PHTF2: variants seen among roughly 807,000 people sequenced by gnomAD.
PHTF2 encodes the protein protein PHTF2.
In PHTF2, 60 loss-of-function variants were observed where a neutral mutation model predicts 101.2. The ratio of observed to expected loss-of-function variants is 0.59; its 90% CI spans 0.48 to 0.73. The LOEUF is 0.73. Among genes scored for constraint, PHTF2 ranks in the 30% least tolerant of loss-of-function variants. The pLI is 0.00. For synonymous variants in PHTF2, 311 were observed against 307.3 expected (o/e 1.01, Z -0.13); for missense variants, 747 against 908.7 (o/e 0.82, Z 2.29).
chr7:77,873,448 C>T (rs776229875), intron 3 of PHTF2, among the ~76,000 whole-genome samples: 7 of 152,164 alleles, frequency 4.6e-5, no homozygotes, highest in Non-Finnish European at 1.0e-4. Context: ...ATCAGTCACA[C>T]TATCAACCCC....
intron 19 of PHTF2, among the ~76,000 whole-genome samples, chr7:77,954,612 G>GTGTGTATATATATATATATATATA (rs1426693429): frequency 2.1e-4 from 19 of 90,186 alleles, no homozygotes; most frequent in African/African-American, 6.2e-4. Context: ...CAAGTACTGT[G>GTGTGTATATATATATATATATATA]TATATATATA....
intron 9 of PHTF2, among the ~76,000 whole-genome samples, chr7:77,912,441 AAACTAAGCACTTATC>A (rs1461477325): frequency 6.6e-6 from 1 of 152,172 alleles, no homozygotes; most frequent in Non-Finnish European, 1.5e-5. Flanking sequence ...GGAAGTGCTT[AAACTAAGCACTTATC>A]AACTAAGCAC....
At chr7:77,931,483 G>A (rs1253204131) in intron 12 of PHTF2, among the ~76,000 whole-genome samples, 1 of 152,236 alleles carries the variant, frequency 6.6e-6, no homozygotes, top group Non-Finnish European at 1.5e-5. Flanking sequence ...AAGATGGTCA[G>A]CCTTGCTATT....
At chr7:77,840,200 A>T (rs1795761879) in intron 1 of PHTF2, 21 bp from the exon 2 acceptor site, 1 of 1,265,832 alleles carries the variant, frequency 7.9e-7, no homozygotes, top group Non-Finnish European at 1.2e-6. Context: ...AGTCATTTGT[A>T]TGTTTTTCTC....
At chr7:77,850,360 CAAAAAAAAAA>C (rs71082789) in intron 2 of PHTF2, among the ~76,000 whole-genome samples, 1 of 44,376 alleles carries the variant, frequency 2.3e-5, no homozygotes, top group East Asian at 7.2e-4. Context: ...GACCTTGTCT[CAAAAAAAAAA>C]AAAAAAAAAA....
intron 1 of PHTF2, among the ~76,000 whole-genome samples, chr7:77,824,423 G>T (rs1388045207): frequency 6.6e-6 from 1 of 152,114 alleles, no homozygotes; most frequent in African/African-American, 2.4e-5. Context: ...AAGTGCAGCT[G>T]TTGTTAGTTT....
At chr7:77,849,110 T>G (rs1434977867) in intron 2 of PHTF2, among the ~76,000 whole-genome samples, 1 of 151,876 alleles carries the variant, frequency 6.6e-6, no homozygotes, top group Non-Finnish European at 1.5e-5. Flanking sequence ...AGTACCATGC[T>G]GGAGTTTTTT....
At chr7:77,887,327 A>G (rs1192800599) in intron 3 of PHTF2, among the ~76,000 whole-genome samples, 1 of 151,718 alleles carries the variant, frequency 6.6e-6, no homozygotes, top group East Asian at 1.9e-4. Context: ...CATCTGTTTG[A>G]TATTACTAAA....
At chr7:77,928,295 T>C (rs2150939284) in intron 11 of PHTF2, among the ~76,000 whole-genome samples, 1 of 152,356 alleles carries the variant, frequency 6.6e-6, no homozygotes, top group African/African-American at 2.4e-5. Context: ...ATCTTTATTT[T>C]GTACATTGCA....
intron 3 of PHTF2, 144 bp from the exon 3 acceptor site, chr7:77,893,464 T>C: frequency 2.2e-6 from 1 of 446,442 alleles, no homozygotes; most frequent in African/African-American, 2.0e-5. Flanking sequence ...ACTGCAATAA[T>C]ATGATACTGA....
At chr7:77,800,373 C>T (rs895429109) in intron 1 of PHTF2, among the ~76,000 whole-genome samples, 5 of 152,180 alleles carry the variant, frequency 3.3e-5, no homozygotes, top group African/African-American at 1.2e-4. Context: ...CCAGAAATAG[C>T]CTGCCTCCCA....
rs138430024 is a variant in PHTF2 at position 77,822,141 on chromosome 7, G to A, written c.-35-18080G>A. Among the ~76,000 whole-genome samples, 183 of 152,330 alleles carry A rather than the reference G, an allele frequency of 1.2e-3. 3 individuals are homozygous for A. The highest frequency in any genetic ancestry group is 6.8e-3 in the Middle Eastern group (2 of 294). On this transcript the variant is annotated intron_variant, in intron 1 of 19. Coordinates refer to ENST00000416283, the Ensembl canonical transcript of PHTF2. ...TGGCTCAAGGGCAGGTTTGCCTTAG[G>A]TGGGAGTGCCAGACTGTTCCTCTGA... is the stretch of plus-strand genomic sequence containing the variant.
intron 15 of PHTF2, among the ~76,000 whole-genome samples, chr7:77,941,101 CATT>C (rs1805604365): frequency 6.6e-6 from 1 of 152,086 alleles, no homozygotes. Flanking sequence ...AGTAGAATGT[CATT>C]ATATATGGAG....
At chr7:77,835,294 A>G (rs1177673889) in intron 1 of PHTF2, among the ~76,000 whole-genome samples, 1 of 150,954 alleles carries the variant, frequency 6.6e-6, no homozygotes, top group East Asian at 1.9e-4. Flanking sequence ...AAAAACAAGA[A>G]AAAAAAAAGA....
intron 5 of PHTF2, among the ~76,000 whole-genome samples, chr7:77,900,363 A>G (rs1801278174): frequency 6.6e-6 from 1 of 152,138 alleles, no homozygotes; most frequent in Non-Finnish European, 1.5e-5. Context: ...TCCCCTAGCT[A>G]GCCTCAACGC....
chr7:77,920,223 T>A (rs1803316636), intron 9 of PHTF2, 56 bp from the exon 9 acceptor site: 1 of 892,210 alleles, frequency 1.1e-6, no homozygotes, highest in African/African-American at 1.7e-5. Flanking sequence ...TTTCTATCAG[T>A]AACCTATCCA....
chr7:77,869,921 A>C (rs914756527), intron 3 of PHTF2, among the ~76,000 whole-genome samples: 2 of 151,972 alleles, frequency 1.3e-5, no homozygotes, highest in Non-Finnish European at 2.9e-5. Flanking sequence ...TCTTTTACCC[A>C]TATATTTGAA....
chr7:77,873,223 G>A (rs559295626), intron 3 of PHTF2, among the ~76,000 whole-genome samples: 138 of 152,172 alleles, frequency 9.1e-4, no homozygotes, highest in African/African-American at 3.1e-3. Context: ...CACTGTGCTC[G>A]GCCTAGAACC....
intron 3 of PHTF2, among the ~76,000 whole-genome samples, chr7:77,881,186 A>C (rs1012041749): frequency 2.6e-5 from 4 of 152,180 alleles, no homozygotes; most frequent in Non-Finnish European, 5.9e-5. Context: ...AAAATATTTC[A>C]GTATTTTTAG....
Sources: gnomAD v4.1 joint callset for allele counts (sites outside exome capture counted in the v4.1 genomes callset) on GRCh38, gnomAD v4.1.1 for gene constraint, MANE v1.5 for transcripts, NCBI Gene and HGNC (gene_info 2026-07-23, HGNC 2026-07-21) for gene names.